Variants in COL4A2 observed in about 807,000 individuals in gnomAD.
The protein encoded by COL4A2 is collagen type IV alpha 2 chain.
COL4A2 carries 99 observed loss-of-function variants against 200.2 expected under a neutral mutation model. That is an observed-to-expected ratio of 0.49 (90% confidence interval 0.42 to 0.58). COL4A2 has a LOEUF of 0.58. Ranked by LOEUF, COL4A2 falls within the 20% of genes least tolerant of loss-of-function variation. COL4A2 has a pLI of 0.00. For missense variants in COL4A2, 1,950 were observed against 2,314.1 expected, an observed-to-expected ratio of 0.84 and a Z score of 3.23; for synonymous variants, 897 against 900.6, an observed-to-expected ratio of 1.00 and a Z score of 0.07.
At chr13:110,314,002 G>C (rs9583484) in intron 3 of COL4A2, among the ~76,000 whole-genome samples, 3 of 152,120 alleles carry the variant, frequency 2.0e-5, no homozygotes, top group African/African-American at 7.2e-5. Context: ...TTGTAAAACC[G>C]GCTCCTTTGA....
In COL4A2 at chr13:110,495,480, A is replaced by G. The variant is rs766774340; in HGVS notation, c.3760+13A>G. On this transcript the variant is annotated intron_variant, in intron 40 of 47. Transcript: ENST00000360467. Reference sequence around the variant, plus strand: ...CAAGGAGCTCCAGGTGAGGCCACACATTCCAAGCCAACATTGCCGTCCCAG... The same window carrying G: ...CAAGGAGCTCCAGGTGAGGCCACACGTTCCAAGCCAACATTGCCGTCCCAG... 6.2e-7 allele frequency: 1 copy of G among 1,609,066 alleles called. No individual in the cohort carries two copies. The highest frequency in any genetic ancestry group is 8.5e-7 in the Non-Finnish European group (1 of 1,178,232).
intron 40 of COL4A2, among the ~76,000 whole-genome samples, chr13:110,499,096 C>A (rs917779481): frequency 6.6e-6 from 1 of 152,246 alleles, no homozygotes; most frequent in African/African-American, 2.4e-5. Flanking sequence ...GACGTTCACA[C>A]ACTGATCATA....
At chr13:110,477,339 A>AT (rs1302056168) in intron 29 of COL4A2, among the ~76,000 whole-genome samples, 105 of 152,362 alleles carry the variant, frequency 6.9e-4, no homozygotes, top group African/African-American at 2.3e-3. Flanking sequence ...CCAGGGTTCC[A>AT]TTTTGCTTCA....
intron 3 of COL4A2, among the ~76,000 whole-genome samples, chr13:110,327,878 C>G (rs1463487637): frequency 2.6e-5 from 4 of 152,210 alleles, no homozygotes; most frequent in African/African-American, 9.7e-5. Flanking sequence ...CTTTGCAACT[C>G]TTCGGTCACA....
chr13:110,431,968 G>A (rs542938938), intron 10 of COL4A2, among the ~76,000 whole-genome samples: 5 of 152,300 alleles, frequency 3.3e-5, no homozygotes, highest in Admixed American at 1.3e-4. Flanking sequence ...ATGGAGTCTC[G>A]TGGGGACTCC....
chr13:110,382,148 GA>G (rs1219805457), intron 4 of COL4A2, among the ~76,000 whole-genome samples: 1 of 152,018 alleles, frequency 6.6e-6, no homozygotes, highest in African/African-American at 2.4e-5. Context: ...CATAAATAGA[GA>G]AAAAAACAAT....
intron 39 of COL4A2, 36 bp downstream of exon 39, chr13:110,493,318 G>A: frequency 1.2e-6 from 2 of 1,607,074 alleles, no homozygotes; most frequent in East Asian, 4.5e-5. Context: ...GTCCCACGCA[G>A]AGGTGTCGAG....
chr13:110,347,984 C>G (rs566356823), intron 3 of COL4A2, among the ~76,000 whole-genome samples: 2 of 152,342 alleles, frequency 1.3e-5, no homozygotes, highest in South Asian at 4.1e-4. Flanking sequence ...CTCAGGTATT[C>G]GTCTGGGAGA....
At chr13:110,469,819 G>A (rs61964713) in intron 28 of COL4A2, among the ~76,000 whole-genome samples, 29,624 of 151,660 alleles carry the variant, frequency 0.2, 3,106 homozygotes, top group Middle Eastern at 0.37. Flanking sequence ...GCAGCCAGGC[G>A]TCTGCAGACA....
chr13:110,470,267 A>G (rs188553521), intron 28 of COL4A2, among the ~76,000 whole-genome samples: 707 of 152,326 alleles, frequency 4.6e-3, no homozygotes, highest in Non-Finnish European at 6.6e-3. Context: ...GCCATTGTGG[A>G]CAACTTTCCA....
Position 110,489,703 on chromosome 13 carries a change from T to G in COL4A2, c.3272-8T>G, listed in dbSNP as rs1271779870. 1.2e-6 allele frequency: 2 copies of G among 1,614,116 alleles called. No individual in the cohort carries two copies. The highest frequency in any genetic ancestry group is 1.7e-6 in the Non-Finnish European group (2 of 1,180,050). On this transcript the variant is annotated splice_region_variant and splice_polypyrimidine_tract_variant and intron_variant, in intron 35 of 47. Transcript: ENST00000360467. ...CCTGTTCTTAGCCGTCTTTTTTGCA[T>G]GTAACAGGTGACATCGGGGACACTA...
chr13:110,408,286 C>T (rs1158520486), intron 4 of COL4A2, among the ~76,000 whole-genome samples: 1 of 152,190 alleles, frequency 6.6e-6, no homozygotes, highest in Non-Finnish European at 1.5e-5. Flanking sequence ...ATTGCAGGCC[C>T]TTGAAGAAGA....
chr13:110,394,072 G>C (rs538080739), intron 4 of COL4A2, among the ~76,000 whole-genome samples: 1 of 152,134 alleles, frequency 6.6e-6, no homozygotes, highest in Non-Finnish European at 1.5e-5. Flanking sequence ...AAGCATGAGA[G>C]AAAATCCATG....
intron 40 of COL4A2, among the ~76,000 whole-genome samples, chr13:110,498,136 C>T (rs933591270): frequency 3.9e-5 from 6 of 152,256 alleles, no homozygotes; most frequent in African/African-American, 1.4e-4. Flanking sequence ...ATATTTTCAC[C>T]ATGTGACCTT....
At chr13:110,438,087 G>A (rs371281701) in intron 14 of COL4A2, 50 bp downstream of exon 14, 43 of 1,536,810 alleles carry the variant, frequency 2.8e-5, no homozygotes, top group Middle Eastern at 1.9e-4. Context: ...CTGGGCTGTC[G>A]GCGCTCTGCC....
rs1315816191 is a variant in COL4A2, at chr13:110,508,415, GCTT to G, written c.4881+196_4881+198del. The G allele has an allele frequency of 2.4e-5, 21 of 867,270 alleles. No individual in the cohort carries two copies. The African/African-American group carries it at 2.7e-4, about 11-fold the overall frequency. The allele number at this position is 867,270 out of a possible 1,614,324, so 53.7% of individuals were successfully genotyped here. On this transcript the variant is annotated intron_variant, in intron 47 of 47. Transcript: ENST00000360467. This position sits in a 1 kb window ranked among gnomAD's most constrained non-coding sequence, Gnocchi z 6.1. Reference sequence around the variant, plus strand: ...AACTGAGCCACATGCTGGGCACAGGGCTTCCTCCACCCAGAAAGGGCTCATTAA... The same window carrying G: ...AACTGAGCCACATGCTGGGCACAGGGCCTCCACCCAGAAAGGGCTCATTAA...
intron 4 of COL4A2, among the ~76,000 whole-genome samples, chr13:110,374,658 C>T (rs1025662115): frequency 1.3e-5 from 2 of 152,194 alleles, no homozygotes; most frequent in African/African-American, 4.8e-5. Context: ...AGGGAATCTC[C>T]TCTTTGAAAA....
Position 110,428,595 on chromosome 13 carries a change from C to T in COL4A2, c.477+12C>T. The T allele has an allele frequency of 1.4e-6, 2 of 1,454,112 alleles. No homozygotes were observed. Among genetic ancestry groups the T allele is most frequent in the East Asian group, 2.6e-5 (1 of 38,086 alleles). 90.1% of individuals were successfully genotyped at this position (1,454,112 alleles called of 1,614,324 possible). On this transcript the variant is annotated intron_variant, in intron 7 of 47. Transcript: ENST00000360467. The stretch of plus-strand genomic sequence containing the variant: ...TCACCGGGCCTCCCGTGAGTATCCC[C>T]ACAGCGCCTGTGCTCCAGGGACGGG...
chr13:110,457,955 T>C (rs1436479498), intron 21 of COL4A2: 8 of 389,578 alleles, frequency 2.1e-5, no homozygotes, highest in Non-Finnish European at 3.6e-5. Flanking sequence ...ACCTGACCCT[T>C]TCCAGTCACC....
Sources: gnomAD v4.1 joint callset for allele counts (sites outside exome capture counted in the v4.1 genomes callset) on GRCh38, gnomAD v4.1.1 for gene constraint, Gnocchi (gnomAD v3.1) non-coding constraint, MANE v1.5 for transcripts, NCBI Gene and HGNC (gene_info 2026-07-23, HGNC 2026-07-21) for gene names.